The following CSF2RB variants were observed in gnomAD, a reference collection of about 807,000 sequenced individuals.
CSF2RB encodes colony stimulating factor 2 receptor subunit beta.
Under a neutral mutation model 67.2 loss-of-function variants are expected in CSF2RB, and 22 were observed. That is an observed-to-expected ratio of 0.33 (90% CI 0.23 to 0.47). CSF2RB has a LOEUF of 0.47. Among genes scored for constraint, CSF2RB ranks in the 20% least tolerant of loss-of-function variants. The probability of loss-of-function intolerance (pLI) is 1.00; values close to 1 mark genes in which losing one functional copy is unlikely to be tolerated. For missense variants in CSF2RB, 1,113 were observed against 1,174.5 expected (o/e 0.95, Z 0.76); for synonymous variants, 507 against 482.9 (o/e 1.05, Z -0.65).
chr22:36,939,414 G>A lies in CSF2RB; in HGVS notation c.*912G>A, dbSNP rs372358383. Reference sequence around the variant, plus strand: ...TTAGGGCCTTTGGTCCAAATGGCCCGGGTGGCCACTCTTCCAGATAGACCA... The same window carrying A: ...TTAGGGCCTTTGGTCCAAATGGCCCAGGTGGCCACTCTTCCAGATAGACCA... On this transcript the variant is annotated 3_prime_UTR_variant, in exon 14 of 14. Coordinates refer to ENST00000403662, the MANE Select transcript of CSF2RB (RefSeq NM_000395.3). The A allele has an allele frequency of 4.6e-5, 28 of 606,492 alleles. No individual in the cohort carries two copies. The highest frequency in any genetic ancestry group is 7.4e-5 in the African/African-American group (4 of 54,258). The allele number at this position is 606,492 out of a possible 1,614,324, so 37.6% of individuals were successfully genotyped here.
chr22:36,923,131 C>A, intron 2 of CSF2RB, 113 bp from the exon 3 acceptor site: 1 of 1,529,918 alleles, frequency 6.5e-7, no homozygotes, highest in Non-Finnish European at 9.0e-7. Context: ...GGTGCCTCTG[C>A]AGGGACCTGG....
At chr22:36,929,601 G>A (rs1186101148) in intron 5 of CSF2RB, 38 bp from the exon 6 acceptor site, 2 of 1,614,158 alleles carry the variant, frequency 1.2e-6, no homozygotes, top group Admixed American at 1.7e-5. Context: ...GAAGGGATGG[G>A]CAGCACCCCT....
chr22:36,926,091 G>T lies in CSF2RB; in HGVS notation c.305G>T (p.Ser102Ile), dbSNP rs1314905902. 1 of 1,614,224 alleles carries T rather than the reference G, an allele frequency of 6.2e-7. No homozygotes were observed. The highest frequency in any genetic ancestry group is 1.7e-5 in the Admixed American group (1 of 60,024). Residue 102 changes from serine to isoleucine, a missense_variant, in exon 4 of 14, where the codon AGT becomes ATT. By Grantham distance (142) the Ser-to-Ile change is moderately radical (BLOSUM62 -2). Coordinates refer to ENST00000403662, the MANE Select transcript of CSF2RB (RefSeq NM_000395.3). ...VPRRCVIPCQ[S>I]FVVTDVDYFS... is the part of the protein sequence containing the mutation. The stretch of plus-strand genomic sequence containing the variant: ...AGGAGATGTGTCATTCCCTGCCAGA[G>T]TTTTGTCGTCACTGACGTTGACTAC...
At position 36,930,377 on chromosome 22, in the gene CSF2RB, G is replaced by T; in HGVS notation, c.721G>T (p.Asp241Tyr). The T allele has an allele frequency of 1.9e-6, 3 of 1,613,562 alleles. No homozygotes were observed. The highest frequency in any genetic ancestry group is 1.7e-6 in the Non-Finnish European group (2 of 1,180,028). The change falls in exon 7 of 14, where the codon GAT becomes TAT. Residue 241 changes from aspartate (D) to tyrosine (Y), a missense_variant and splice_region_variant. Transcript: ENST00000403662. ...PEVCWDSQPG[D>Y]EAQPQNLECF... is the part of the protein sequence containing the mutation. Reference sequence around the variant, plus strand: ...ATGAGGACCTGTCTCCAACCCAGGGGATGAGGCCCAGCCCCAGAACCTGGA... The same window carrying T: ...ATGAGGACCTGTCTCCAACCCAGGGTATGAGGCCCAGCCCCAGAACCTGGA...
In CSF2RB at chr22:36,932,429, C is replaced by T. The variant is rs534064390; in HGVS notation, c.1013-336C>T. ...CAGCCTGGGCAACAGAGTGAGACTC[C>T]GTCTCAAAAAAAAAAAAAAAAAAAA... is the stretch of plus-strand genomic sequence containing the variant. On this transcript the variant is annotated intron_variant, in intron 8 of 13. Transcript: ENST00000403662. 9.1e-3 allele frequency among the ~76,000 whole-genome samples: 830 copies of T among 90,988 alleles called. 6 individuals carry two copies. Among genetic ancestry groups the T allele is most frequent in the African/African-American group, 0.029 (777 of 26,564 alleles). 59.7% of individuals were successfully genotyped at this position (90,988 alleles called of 152,430 possible). A position where few individuals can be genotyped will look rare whatever the true frequency, so the allele number is the denominator to read the frequency against.
intron 1 of CSF2RB, among the ~76,000 whole-genome samples, chr22:36,920,589 A>T (rs1251958969): frequency 6.6e-6 from 1 of 152,248 alleles, no homozygotes; most frequent in African/African-American, 2.4e-5. Context: ...CTAACGGATG[A>T]GTACATTGGT....
intron 3 of CSF2RB, chr22:36,923,687 C>T: frequency 7.4e-7 from 1 of 1,345,460 alleles, no homozygotes; most frequent in Non-Finnish European, 9.8e-7. Context: ...ATCTTAGTTC[C>T]TCCTCACTGT....
In CSF2RB at chr22:36,930,357, G is replaced by A. The variant is rs774530996; in HGVS notation, c.719-18G>A. 1.2e-6 allele frequency: 2 copies of A among 1,613,308 alleles called. No homozygotes were observed. Among genetic ancestry groups the A allele is most frequent in the Middle Eastern group, 3.6e-4 (2 of 5,564 alleles). Reference sequence around the variant, plus strand: ...AGGGATGAATGACGGAGTACATGAGGACCTGTCTCCAACCCAGGGGATGAG... The same window carrying A: ...AGGGATGAATGACGGAGTACATGAGAACCTGTCTCCAACCCAGGGGATGAG... On this transcript the variant is annotated intron_variant, in intron 6 of 13. Coordinates refer to ENST00000403662, the MANE Select transcript of CSF2RB (RefSeq NM_000395.3).
intron 7 of CSF2RB, 28 bp downstream of exon 7, chr22:36,930,538 C>T: frequency 6.2e-7 from 1 of 1,612,606 alleles, no homozygotes; most frequent in Non-Finnish European, 8.5e-7. Flanking sequence ...CCATCCCCTC[C>T]CCTCCTCTTG....
At position 36,923,383 on chromosome 22, in the gene CSF2RB, G is replaced by T. The variant is rs2072713; in HGVS notation, c.200+16G>T. 0.51 allele frequency: 825,624 copies of T among 1,611,288 alleles called. 214,671 individuals carry two copies. The highest frequency in any genetic ancestry group is 0.65 in the Admixed American group (38,709 of 59,546). ...GGGTGAATGAGTGAGTGATGCTGGG[G>T]GCAGGGGCCACGGGCAGGGGCTACG... On this transcript the variant is annotated intron_variant, in intron 3 of 13. Transcript: ENST00000403662.
rs1429131392 is a variant in CSF2RB at position 36,936,642 on chromosome 22, G to A, written c.1558G>A (p.Glu520Lys). 5 of 1,613,298 alleles carry A rather than the reference G, an allele frequency of 3.1e-6. No homozygotes were observed. The highest frequency in any genetic ancestry group is 4.2e-6 in the Non-Finnish European group (5 of 1,179,832). ...HQGPWGSRFP[E>K]LEGVFPVGFG... Reference sequence around the variant, plus strand: ...GGGGCCGTGGGGCAGCCGCTTCCCTGAGCTGGAGGGGTGAGTGGGCTCGTG... The same window carrying A: ...GGGGCCGTGGGGCAGCCGCTTCCCTAAGCTGGAGGGGTGAGTGGGCTCGTG... Residue 520 changes from glutamate (E) to lysine (K), a missense_variant, in exon 13 of 14, where the codon GAG becomes AAG. Physicochemically the swap from Glu to Lys is moderately conservative, Grantham distance 56. Around this residue, in one of 2 missense-constraint regions of CSF2RB, gnomAD observed 554 missense variants for 517.9 expected, o/e 1.07. Transcript: ENST00000403662.
intron 1 of CSF2RB, 59 bp from the exon 2 acceptor site, chr22:36,921,977 G>T: frequency 1.7e-6 from 1 of 593,668 alleles, no homozygotes; most frequent in East Asian, 2.8e-5. Context: ...AACACGGGCG[G>T]TGTCCCTGGG....
At chr22:36,928,301 C>T (rs1431445452) in intron 4 of CSF2RB, among the ~76,000 whole-genome samples, 1 of 152,072 alleles carries the variant, frequency 6.6e-6, no homozygotes, top group Non-Finnish European at 1.5e-5. Context: ...TGATGGGGCT[C>T]CCAGTCTGCG....
Position 36,934,661 on chromosome 22 carries a change from AC to A in CSF2RB, c.1315+671del, listed in dbSNP as rs151139991. 4.7e-3 allele frequency among the ~76,000 whole-genome samples: 715 copies of A among 152,190 alleles called. 3 individuals carry two copies. Among genetic ancestry groups the A allele is most frequent in the African/African-American group, 0.017 (697 of 41,500 alleles). On this transcript the variant is annotated intron_variant, in intron 10 of 13. Transcript: ENST00000403662. ...CTCCCTGCACTTGCTGCGTGCACTG[AC>A]CCCTCACCTTTCACCACAGTGACCA...
At chr22:36,934,733 G>C (rs966888280) in intron 10 of CSF2RB, among the ~76,000 whole-genome samples, 1 of 152,224 alleles carries the variant, frequency 6.6e-6, no homozygotes, top group Admixed American at 6.5e-5. Context: ...GGTGGTTTCA[G>C]AGAGAGTAAG....
At chr22:36,934,974 CT>C (rs1346929404) in intron 10 of CSF2RB, among the ~76,000 whole-genome samples, 5 of 152,164 alleles carry the variant, frequency 3.3e-5, no homozygotes, top group Non-Finnish European at 7.4e-5. Context: ...GCCACTATGC[CT>C]TTCCCCATCT....
chr22:36,935,709 C>T (rs746582930), intron 12 of CSF2RB, 22 bp downstream of exon 12: 6 of 1,608,832 alleles, frequency 3.7e-6, no homozygotes, highest in East Asian at 4.5e-5. Context: ...CTGCGAGGGG[C>T]GGAGTGGGGG....
chr22:36,918,451 A>G (rs913814007), intron 1 of CSF2RB, among the ~76,000 whole-genome samples: 1 of 152,130 alleles, frequency 6.6e-6, no homozygotes, highest in Non-Finnish European at 1.5e-5. Context: ...GATCATCCTC[A>G]TATTCTTGCA....
chr22:36,937,470 G>C lies in CSF2RB; in HGVS notation c.1662G>C (p.Thr554=), dbSNP rs752226094. Residue 554 remains threonine (T), a synonymous_variant, in exon 14 of 14, where the codon ACG becomes ACC. Transcript: ENST00000403662. This position sits in a 1 kb window ranked among gnomAD's most constrained non-coding sequence, Gnocchi z 4.6. The part of the protein sequence containing the change: ...HVCDPPSGPD[T]TPAASDLPTE... Reference sequence around the variant, plus strand: ...GTGATCCACCATCTGGGCCTGACACGACTCCAGCTGCCTCAGATCTACCCA... The same window carrying C: ...GTGATCCACCATCTGGGCCTGACACCACTCCAGCTGCCTCAGATCTACCCA... 6.2e-7 allele frequency: 1 copy of C among 1,613,928 alleles called. No individual in the cohort carries two copies. The highest frequency in any genetic ancestry group is 8.5e-7 in the Non-Finnish European group (1 of 1,179,964).
Sources: gnomAD v4.1 joint callset for allele counts (sites outside exome capture counted in the v4.1 genomes callset) on GRCh38, gnomAD v4.1.1 for gene constraint, gnomAD v4.1.1 regional missense constraint, Gnocchi (gnomAD v3.1) non-coding constraint, MANE v1.5 for transcripts, NCBI Gene and HGNC (gene_info 2026-07-23, HGNC 2026-07-21) for gene names.